SEMA6D: variants seen among roughly 807,000 people sequenced by gnomAD.
SEMA6D encodes the protein semaphorin 6D.
Under a neutral mutation model 106.6 loss-of-function variants are expected in SEMA6D, and 35 were observed. The observed-to-expected ratio is 0.33, with a 90% CI of 0.25 to 0.44. SEMA6D has a LOEUF of 0.44. Among genes scored for constraint, SEMA6D ranks in the 20% least tolerant of loss-of-function variants. The pLI, the probability that SEMA6D is intolerant of heterozygous loss-of-function variation, is 1.00. For synonymous variants in SEMA6D, 499 were observed against 487.7 expected (o/e 1.02, Z -0.31); for missense variants, 1,185 against 1,345.9 (o/e 0.88, Z 1.87).
At chr15:47,283,079 G>T (rs942669310) in intron 1 of SEMA6D, among the ~76,000 whole-genome samples, 2 of 151,962 alleles carry the variant, frequency 1.3e-5, no homozygotes, top group African/African-American at 2.4e-5. Flanking sequence ...TTTCTCAAAG[G>T]CCAGACTGTT....
intron 2 of SEMA6D, among the ~76,000 whole-genome samples, chr15:47,458,662 A>T (rs1002411718): frequency 6.6e-6 from 1 of 152,044 alleles, no homozygotes; most frequent in South Asian, 2.1e-4. Flanking sequence ...TTTGAAATGA[A>T]TTAAAGTAAA....
chr15:47,506,363 CTG>C (rs906963373), intron 3 of SEMA6D, among the ~76,000 whole-genome samples: 2 of 152,048 alleles, frequency 1.3e-5, no homozygotes, highest in Admixed American at 1.3e-4. Flanking sequence ...CGTTTTGTGT[CTG>C]TGGTGGCATC....
intron 1 of SEMA6D, among the ~76,000 whole-genome samples, chr15:47,410,920 C>A (rs1051192257): frequency 6.6e-6 from 1 of 152,148 alleles, no homozygotes; most frequent in South Asian, 2.1e-4. Flanking sequence ...GACCATAATA[C>A]AGGTATGGAA....
chr15:47,237,417 A>G (rs1442942669), intron 1 of SEMA6D, among the ~76,000 whole-genome samples: 1 of 146,234 alleles, frequency 6.8e-6, no homozygotes, highest in African/African-American at 2.4e-5. Context: ...CTGTCATGAT[A>G]AACGTTTCTA....
chr15:47,509,091 A>G (rs1426513840), intron 3 of SEMA6D, among the ~76,000 whole-genome samples: 2 of 152,094 alleles, frequency 1.3e-5, no homozygotes, highest in African/African-American at 4.8e-5. Context: ...AGCTGAGAGA[A>G]TCACCTCATC....
At chr15:47,329,413 A>G (rs951976403) in intron 1 of SEMA6D, among the ~76,000 whole-genome samples, 2 of 152,234 alleles carry the variant, frequency 1.3e-5, no homozygotes, top group Non-Finnish European at 2.9e-5. Flanking sequence ...ACTGACTATA[A>G]TAGACAGATA....
rs559613694 is a variant in SEMA6D, at chr15:47,346,412, A to G, written c.-238-65981A>G. Among the ~76,000 whole-genome samples the G allele has an allele frequency of 2.6e-5, 4 of 152,292 alleles. No individual in the cohort carries two copies. In the South Asian group the frequency reaches 6.2e-4, roughly 24 times the overall value. On this transcript the variant is annotated intron_variant, in intron 1 of 19. Coordinates refer to the SEMA6D transcript ENST00000558014. ...TCACTTAATATCATCTCTGGGCCAC[A>G]TGTGGAAAACAAGAAGCTTAAATTT... is the stretch of plus-strand genomic sequence containing the variant.
chr15:47,232,200 A>C (rs2032241392), intron 1 of SEMA6D, among the ~76,000 whole-genome samples: 1 of 151,986 alleles, frequency 6.6e-6, no homozygotes, highest in Non-Finnish European at 1.5e-5. Context: ...CTCTCGTATG[A>C]CTGCATCATA....
intron 1 of SEMA6D, among the ~76,000 whole-genome samples, chr15:47,742,006 T>G (rs531537337): frequency 6.6e-6 from 1 of 152,110 alleles, no homozygotes; most frequent in Admixed American, 6.5e-5. Context: ...TAAGGATGAC[T>G]AGGAATTTGC....
chr15:47,575,173 T>TA (rs1363311888), intron 3 of SEMA6D, among the ~76,000 whole-genome samples: 1 of 152,344 alleles, frequency 6.6e-6, no homozygotes, highest in African/African-American at 2.4e-5. Context: ...ATCAATTATG[T>TA]AGCAATCTAT....
intron 1 of SEMA6D, among the ~76,000 whole-genome samples, chr15:47,735,640 T>A (rs775456486): frequency 2.0e-5 from 3 of 152,204 alleles, no homozygotes; most frequent in Non-Finnish European, 4.4e-5. Context: ...CTTGAAGCTG[T>A]CATTTACTTG....
chr15:47,379,331 T>C (rs1458131344), intron 1 of SEMA6D, among the ~76,000 whole-genome samples: 2 of 152,214 alleles, frequency 1.3e-5, no homozygotes, highest in Non-Finnish European at 2.9e-5. Context: ...ATTAAATCTC[T>C]AAAATAATAG....
At chr15:47,329,564 A>G (rs533778149) in intron 1 of SEMA6D, among the ~76,000 whole-genome samples, 52 of 152,340 alleles carry the variant, frequency 3.4e-4, no homozygotes, top group Non-Finnish European at 4.6e-4. Flanking sequence ...AATAATTGCA[A>G]TATAACAAAG....
intron 1 of SEMA6D, among the ~76,000 whole-genome samples, chr15:47,364,796 C>T (rs1018181188): frequency 6.6e-6 from 1 of 151,456 alleles, no homozygotes; most frequent in South Asian, 2.1e-4. Flanking sequence ...ATTCAGGACA[C>T]AAATGATTCC....
chr15:47,539,287 C>A (rs556041885), intron 3 of SEMA6D, among the ~76,000 whole-genome samples: 3 of 152,252 alleles, frequency 2.0e-5, no homozygotes, highest in Admixed American at 6.5e-5. Flanking sequence ...ACAATTAAAA[C>A]ACTGTAAATT....
intron 3 of SEMA6D, among the ~76,000 whole-genome samples, chr15:47,567,816 A>G (rs2046271327): frequency 6.6e-6 from 1 of 152,232 alleles, no homozygotes; most frequent in Admixed American, 6.5e-5. Flanking sequence ...ACAAGAGATT[A>G]TTGAACAGAT....
At chr15:47,768,260 G>C (rs1386623522) in intron 17 of SEMA6D, among the ~76,000 whole-genome samples, 3 of 152,142 alleles carry the variant, frequency 2.0e-5, no homozygotes, top group African/African-American at 7.2e-5. Context: ...ACAAGAGAAG[G>C]AAGAAACAGC....
intron 1 of SEMA6D, among the ~76,000 whole-genome samples, chr15:47,381,257 C>T (rs2039632809): frequency 6.6e-6 from 1 of 152,184 alleles, no homozygotes; most frequent in African/African-American, 2.4e-5. Flanking sequence ...CAGGTTCAAC[C>T]AGAAATTTGA....
intron 1 of SEMA6D, among the ~76,000 whole-genome samples, chr15:47,207,550 G>A (rs1895156354): frequency 6.6e-6 from 1 of 152,184 alleles, no homozygotes; most frequent in Admixed American, 6.5e-5. Flanking sequence ...GCCATCATGG[G>A]AGGTCCAAGT....
Sources: gnomAD v4.1 joint callset for allele counts (sites outside exome capture counted in the v4.1 genomes callset) on GRCh38, gnomAD v4.1.1 for gene constraint, MANE v1.5 for transcripts, NCBI Gene and HGNC (gene_info 2026-07-23, HGNC 2026-07-21) for gene names.